Variants in NT5DC3 observed in about 807,000 individuals in gnomAD.
The protein encoded by NT5DC3 is 5'-nucleotidase domain-containing protein 3.
NT5DC3 carries 42 observed loss-of-function variants against 67.8 expected under a neutral mutation model. The ratio of observed to expected loss-of-function variants is 0.62; its 90% CI spans 0.48 to 0.80. The LOEUF is 0.80. NT5DC3 is among the 30% of genes least tolerant of loss of function. The pLI, the probability that NT5DC3 is intolerant of heterozygous loss-of-function variation, is 0.00. For synonymous variants in NT5DC3, 237 were observed against 255.6 expected (o/e 0.93, Z 0.69); for missense variants, 570 against 696.4 (o/e 0.82, Z 2.04).
At chr12:103,781,127 C>A (rs1373515783) in intron 12 of NT5DC3, among the ~76,000 whole-genome samples, 1 of 152,196 alleles carries the variant, frequency 6.6e-6, no homozygotes, top group Non-Finnish European at 1.5e-5. Flanking sequence ...ACAAGTCCCT[C>A]TCCAAGGTTC....
downstream of NT5DC3, chr12:103,766,214 G>A: frequency 6.3e-7 from 1 of 1,589,648 alleles, no homozygotes; most frequent in Admixed American, 1.7e-5. Context: ...TCAGACCAGT[G>A]GCCACCAGAA....
At chr12:103,764,021 T>C in the NT5DC3 span, among the ~76,000 whole-genome samples, 2 of 152,092 alleles carry the variant, frequency 1.3e-5, no homozygotes, top group Non-Finnish European at 2.9e-5. Flanking sequence ...AGTCTCACTC[T>C]GTCACCCAGG....
intron 1 of NT5DC3, among the ~76,000 whole-genome samples, chr12:103,825,390 T>C (rs1887649147): frequency 6.6e-6 from 1 of 152,088 alleles, no homozygotes; most frequent in Non-Finnish European, 1.5e-5. Context: ...AAATTAAATA[T>C]AGTAATGGTT....
At chr12:103,772,062 G>A (rs1885197257), downstream of NT5DC3, among the ~76,000 whole-genome samples, 1 of 152,126 alleles carries the variant, frequency 6.6e-6, no homozygotes, top group Non-Finnish European at 1.5e-5. Flanking sequence ...GTGGGTGGGG[G>A]GAGATGGGGG....
the NT5DC3 span, among the ~76,000 whole-genome samples, chr12:103,749,675 CAA>C: frequency 1.5e-4 from 20 of 131,704 alleles, no homozygotes; most frequent in Middle Eastern, 3.7e-3. Context: ...TAAAAAAATG[CAA>C]AAAAAAAAAA....
chr12:103,780,273 C>T (rs373249129), intron 13 of NT5DC3, 27 bp downstream of exon 13: 70 of 1,597,748 alleles, frequency 4.4e-5, no homozygotes, highest in African/African-American at 2.4e-4. Flanking sequence ...GTGGTGGACG[C>T]GCACATTCAA....
the NT5DC3 span, chr12:103,761,204 G>T: frequency 9.0e-7 from 1 of 1,116,032 alleles, no homozygotes; most frequent in South Asian, 1.4e-5. Flanking sequence ...CCTGAAACAT[G>T]GGCTCAGGGG....
chr12:103,806,290 C>T (rs762519133), intron 4 of NT5DC3, 32 bp downstream of exon 4: 7 of 1,463,236 alleles, frequency 4.8e-6, no homozygotes, highest in South Asian at 1.1e-5. Flanking sequence ...GGTTACTTCA[C>T]GTAAATTAAA....
At chr12:103,803,087 TAG>T (rs1045877470) in intron 4 of NT5DC3, among the ~76,000 whole-genome samples, 9 of 152,086 alleles carry the variant, frequency 5.9e-5, no homozygotes, top group Admixed American at 1.3e-4. Flanking sequence ...AGAGACAGAA[TAG>T]AGAGACCTGG....
chr12:103,749,195 C>T, the NT5DC3 span: 18 of 1,555,368 alleles, frequency 1.2e-5, no homozygotes, highest in Non-Finnish European at 1.6e-5. Context: ...GGAGCAGCGC[C>T]GTGGGCTTCG....
At chr12:103,801,756 C>T (rs989456888) in intron 4 of NT5DC3, among the ~76,000 whole-genome samples, 6 of 152,180 alleles carry the variant, frequency 3.9e-5, no homozygotes, top group South Asian at 4.1e-4. Context: ...CAGACATCCT[C>T]CTGCCCTGTA....
chr12:103,811,959 T>A (rs1000057624), intron 2 of NT5DC3, among the ~76,000 whole-genome samples: 3 of 151,870 alleles, frequency 2.0e-5, no homozygotes, highest in Admixed American at 6.6e-5. Context: ...AATCAGGTGA[T>A]CAATGGTGCC....
rs539522648 is a variant in NT5DC3 at position 103,837,956 on chromosome 12, A to G, written c.208+2993T>C. The stretch of plus-strand genomic sequence containing the variant: ...CAATTTACTGTATCAGTCCATTTTC[A>G]TGCTGCTAATAAAGACACACCTGGG... On this transcript the variant is annotated intron_variant, in intron 1 of 13. Transcript: ENST00000392876. 9.2e-5 allele frequency among the ~76,000 whole-genome samples: 14 copies of G among 152,226 alleles called. No homozygotes were observed. In the South Asian group the frequency reaches 2.9e-3, roughly 32 times the overall value.
the NT5DC3 span, among the ~76,000 whole-genome samples, chr12:103,748,597 C>CACACAT: frequency 5.9e-5 from 3 of 51,220 alleles, no homozygotes; most frequent in African/African-American, 2.7e-4. Context: ...CACACACACA[C>CACACAT]ACACACATAC....
the NT5DC3 span, among the ~76,000 whole-genome samples, chr12:103,756,581 C>CA: frequency 6.6e-6 from 1 of 152,230 alleles, no homozygotes; most frequent in Non-Finnish European, 1.5e-5. Context: ...GCCAAGGACA[C>CA]AGCCTAACTC....
chr12:103,838,863 T>C (rs1338068913), intron 1 of NT5DC3, among the ~76,000 whole-genome samples: 2 of 152,220 alleles, frequency 1.3e-5, no homozygotes, highest in Non-Finnish European at 2.9e-5. Context: ...TCCAAAAGGT[T>C]ACATACTGTA....
At chr12:103,769,122 A>G (rs1885127989), downstream of NT5DC3, among the ~76,000 whole-genome samples, 1 of 152,062 alleles carries the variant, frequency 6.6e-6, no homozygotes. Flanking sequence ...CCCCCAACAC[A>G]CACACACAAA....
chr12:103,814,322 C>T (rs1394846297), intron 2 of NT5DC3, among the ~76,000 whole-genome samples: 2 of 152,220 alleles, frequency 1.3e-5, no homozygotes, highest in Admixed American at 6.5e-5. Context: ...TGTCAACATG[C>T]ACCTGTCTGA....
At chr12:103,795,990 G>A (rs77701168) in intron 6 of NT5DC3, among the ~76,000 whole-genome samples, 2,933 of 152,300 alleles carry the variant, frequency 0.019, 97 homozygotes, top group African/African-American at 0.067. Flanking sequence ...TTCACTTAAA[G>A]TCACGGATGC....
Sources: allele counts gnomAD v4.1 joint callset (sites outside exome capture counted in the v4.1 genomes callset), GRCh38; gene constraint gnomAD v4.1.1; transcripts MANE v1.5; gene names NCBI Gene and HGNC (gene_info 2026-07-23, HGNC 2026-07-21).